The following NWD2 variants were observed in gnomAD, a reference collection of about 807,000 sequenced individuals.
NWD2 encodes the protein NACHT and WD repeat domain-containing protein 2.
In NWD2, 37 loss-of-function variants were observed where a neutral mutation model predicts 132.7. That is an observed-to-expected ratio of 0.28 (90% CI 0.21 to 0.37). The LOEUF (loss-of-function observed/expected upper bound fraction) is 0.37, where lower values mean the gene tolerates loss of function less well. NWD2 is among the 10% of genes least tolerant of loss of function. The pLI, the probability that NWD2 is intolerant of heterozygous loss-of-function variation, is 1.00. For missense variants in NWD2, 1,592 were observed against 2,122.4 expected, an observed-to-expected ratio of 0.75 and a Z score of 4.91; for synonymous variants, 705 against 803.0, an observed-to-expected ratio of 0.88 and a Z score of 2.06.
At chr4:37,314,865 A>T (rs1718927907) in intron 1 of NWD2, among the ~76,000 whole-genome samples, 2 of 152,022 alleles carry the variant, frequency 1.3e-5, no homozygotes, top group African/African-American at 2.4e-5. Context: ...TGATTCACTG[A>T]TTTTAACCTT....
intron 1 of NWD2, among the ~76,000 whole-genome samples, chr4:37,261,130 A>C (rs1239054661): frequency 6.6e-6 from 1 of 152,204 alleles, no homozygotes; most frequent in African/African-American, 2.4e-5. Context: ...TTAAACATTA[A>C]CTAGGACTAA....
Position 37,446,204 on chromosome 4 carries a change from A to G in NWD2, c.4216A>G (p.Thr1406Ala). The G allele has an allele frequency of 6.4e-7, 1 of 1,551,722 alleles. No homozygotes were observed. Among genetic ancestry groups the G allele is most frequent in the East Asian group, 2.4e-5 (1 of 40,918 alleles). ...GCAGAGAATATCTCAGCTGCTGATT[A>G]CACACAATGACCAGTTTGTGGTCTC... ...NGQRISQLLI[T>A]HNDQFVVSLC... is the part of the protein sequence containing the mutation. Residue 1406 changes from threonine to alanine, a missense_variant, in exon 7 of 7, where the codon ACA becomes GCA. Physicochemically the swap from Thr to Ala is moderately conservative, Grantham distance 58 (BLOSUM62 0). Transcript: ENST00000309447. This position sits in a 1 kb window ranked among gnomAD's most constrained non-coding sequence, Gnocchi z 6.7.
intron 6 of NWD2, among the ~76,000 whole-genome samples, chr4:37,442,890 A>G (rs1024734438): frequency 4.6e-5 from 7 of 152,030 alleles, no homozygotes; most frequent in African/African-American, 1.7e-4. Flanking sequence ...AAACACTTAC[A>G]AAGGACCTAC....
At chr4:37,416,296 G>C (rs1187284205) in intron 3 of NWD2, among the ~76,000 whole-genome samples, 35 of 152,002 alleles carry the variant, frequency 2.3e-4, no homozygotes, top group Non-Finnish European at 1.5e-5. Context: ...TCTGAGCATG[G>C]AACTTATATT....
At chr4:37,364,724 A>G (rs1294269934) in intron 3 of NWD2, among the ~76,000 whole-genome samples, 1 of 136,402 alleles carries the variant, frequency 7.3e-6, no homozygotes, top group Non-Finnish European at 1.7e-5. Context: ...ACACACACAC[A>G]CTGCCATCAG....
At chr4:37,395,284 T>C (rs1196312708) in intron 3 of NWD2, among the ~76,000 whole-genome samples, 1 of 152,004 alleles carries the variant, frequency 6.6e-6, no homozygotes, top group Non-Finnish European at 1.5e-5. Flanking sequence ...ACAACCAGCA[T>C]ACTGAAGGGG....
At chr4:37,364,740 C>T (rs1218454881) in intron 3 of NWD2, among the ~76,000 whole-genome samples, 1 of 149,876 alleles carries the variant, frequency 6.7e-6, no homozygotes, top group African/African-American at 2.5e-5. Flanking sequence ...ATCAGTGGCA[C>T]AGCTAGCAGG....
chr4:37,256,737 A>T (rs2109257464), intron 1 of NWD2, among the ~76,000 whole-genome samples: 1 of 152,352 alleles, frequency 6.6e-6, no homozygotes, highest in African/African-American at 2.4e-5. Context: ...AACAATAAGA[A>T]TATGTAGGGA....
chr4:37,350,927 ATGTATTGAGATAATCATGTGGTTTT>A (rs1289434091), intron 2 of NWD2, among the ~76,000 whole-genome samples: 1 of 152,148 alleles, frequency 6.6e-6, no homozygotes, highest in Non-Finnish European at 1.5e-5. Flanking sequence ...CCTTTTCTGC[ATGTATTGAGATAATCATGTGGTTTT>A]TGACATTGGT....
rs982560199 is a variant in NWD2 at position 37,447,510 on chromosome 4, T to A, written c.*293T>A. 1 of 400,752 alleles carries A rather than the reference T, an allele frequency of 2.5e-6. No homozygotes were observed. Among genetic ancestry groups the A allele is most frequent in the East Asian group, 4.8e-5 (1 of 20,642 alleles). The allele number at this position is 400,752 out of a possible 1,614,324, so 24.8% of individuals were successfully genotyped here. On this transcript the variant is annotated 3_prime_UTR_variant, in exon 7 of 7. Transcript: ENST00000309447. ...CTGTGTGGTGAGGCAGCATAATACA[T>A]CCCACTGGTTAAGATGAGAGAGGCT...
intron 1 of NWD2, among the ~76,000 whole-genome samples, chr4:37,272,130 C>T (rs1717882951): frequency 6.6e-6 from 1 of 151,752 alleles, no homozygotes; most frequent in Non-Finnish European, 1.5e-5. Flanking sequence ...TTAAAGCAAC[C>T]TGTTCTTCTT....
intron 2 of NWD2, among the ~76,000 whole-genome samples, chr4:37,351,774 G>A (rs1363001309): frequency 6.6e-6 from 1 of 152,110 alleles, no homozygotes; most frequent in Non-Finnish European, 1.5e-5. Context: ...ATGTTAGGGT[G>A]TCGATTTTAG....
At chr4:37,397,071 A>C (rs1318301353) in intron 3 of NWD2, among the ~76,000 whole-genome samples, 1 of 151,708 alleles carries the variant, frequency 6.6e-6, no homozygotes, top group East Asian at 1.9e-4. Context: ...GGTTTCCTGG[A>C]ATGAATCCCT....
rs746715753 is a variant in NWD2, at chr4:37,356,468, G to A, written c.343G>A (p.Gly115Ser). Residue 115 changes from glycine (G) to serine (S), a missense_variant, in exon 3 of 7, where the codon GGT becomes AGT. Physicochemically the swap from Gly to Ser is moderately conservative, Grantham distance 56. Around this residue, in one of 7 missense-constraint regions of NWD2, gnomAD observed 144 missense variants for 185.7 expected, o/e 0.78. Coordinates refer to ENST00000309447, the MANE Select transcript of NWD2 (RefSeq NM_001144990.2). ...GGAGAATTGCTTGAAAACTTCTGCA[G>A]GTCCATGTTTTGTTGTGGGTATAAA... is the stretch of plus-strand genomic sequence containing the variant. Reference protein sequence around the residue: ...LLENCLKTSAGPCFVGLLGEK... With the variant: ...LLENCLKTSASPCFVGLLGEK... The A allele has an allele frequency of 6.5e-7, 1 of 1,548,374 alleles. No individual in the cohort carries two copies.
intron 1 of NWD2, among the ~76,000 whole-genome samples, chr4:37,291,421 T>C (rs1464784765): frequency 6.6e-6 from 1 of 152,198 alleles, no homozygotes; most frequent in Non-Finnish European, 1.5e-5. Flanking sequence ...TAATTTTAAT[T>C]ACATCAGTCT....
intron 2 of NWD2, among the ~76,000 whole-genome samples, chr4:37,349,135 A>G (rs1245933173): frequency 1.3e-5 from 2 of 152,156 alleles, no homozygotes; most frequent in African/African-American, 4.8e-5. Flanking sequence ...TACTACCACA[A>G]TAAACATATG....
chr4:37,275,686 G>C (rs944017532), intron 1 of NWD2, among the ~76,000 whole-genome samples: 3 of 152,028 alleles, frequency 2.0e-5, no homozygotes, highest in Admixed American at 6.6e-5. Flanking sequence ...ATACTACAAG[G>C]CTACAGTAAC....
intron 3 of NWD2, among the ~76,000 whole-genome samples, chr4:37,414,283 G>C (rs567025207): frequency 1.3e-5 from 2 of 152,070 alleles, no homozygotes; most frequent in Non-Finnish European, 2.9e-5. Flanking sequence ...AGTTGGTAAA[G>C]CTGGTAATAG....
chr4:37,319,912 C>G (rs2109285136), intron 1 of NWD2, among the ~76,000 whole-genome samples: 1 of 152,130 alleles, frequency 6.6e-6, no homozygotes, highest in Non-Finnish European at 1.5e-5. Flanking sequence ...TAATGTGATC[C>G]CTCCAAATTT....
Sources: allele counts gnomAD v4.1 joint callset (sites outside exome capture counted in the v4.1 genomes callset), GRCh38; gene constraint gnomAD v4.1.1; regional missense constraint gnomAD v4.1.1; non-coding constraint Gnocchi (gnomAD v3.1); transcripts MANE v1.5; gene names NCBI Gene and HGNC (gene_info 2026-07-23, HGNC 2026-07-21).